AGAP1: variants seen among roughly 807,000 people sequenced by gnomAD.
AGAP1 encodes the protein ArfGAP with GTPase domain, ankyrin repeat and PH domain 1, also known as arf-GAP with GTPase, ANK repeat and PH domain-containing protein 1.
In AGAP1, 29 loss-of-function variants were observed where a neutral mutation model predicts 105.3. That is an observed-to-expected ratio of 0.28 (90% CI 0.21 to 0.38). The LOEUF (loss-of-function observed/expected upper bound fraction) is 0.38, where lower values mean the gene tolerates loss of function less well. Ranked by LOEUF, AGAP1 falls within the 10% of genes least tolerant of loss-of-function variation. AGAP1 has a pLI of 1.00. For synonymous variants in AGAP1, 509 were observed against 485.9 expected, an observed-to-expected ratio of 1.05 and a Z score of -0.63; for missense variants, 998 against 1,165.1, an observed-to-expected ratio of 0.86 and a Z score of 2.09.
chr2:235,803,024 G>C (rs1228296947), intron 8 of AGAP1, among the ~76,000 whole-genome samples: 1 of 150,986 alleles, frequency 6.6e-6, no homozygotes, highest in African/African-American at 2.4e-5. Flanking sequence ...TGATGGTGGT[G>C]ATGGTTGTGA....
chr2:235,647,540 A>T (rs1330383493), intron 1 of AGAP1, among the ~76,000 whole-genome samples: 1 of 151,982 alleles, frequency 6.6e-6, no homozygotes, highest in Non-Finnish European at 1.5e-5. Flanking sequence ...GGCGCACACC[A>T]CCACAGCCAG....
rs929778133 is a variant in AGAP1 at position 235,610,075 on chromosome 2, G to A, written c.164-99104G>A. Among the ~76,000 whole-genome samples the A allele has an allele frequency of 6.6e-6, 1 of 152,100 alleles. No individual in the cohort carries two copies. The highest frequency in any genetic ancestry group is 6.5e-5 in the Admixed American group (1 of 15,278). On this transcript the variant is annotated intron_variant, in intron 1 of 17. Coordinates refer to ENST00000304032, the MANE Select transcript of AGAP1 (RefSeq NM_001037131.3). This position sits in a 1 kb window ranked among gnomAD's most constrained non-coding sequence, Gnocchi z 4.9. ...CTGCATTTGCCCCAACTCTGTGCAG[G>A]GCCAGCACTTTTAGCTCCTAGTCAC...
At chr2:235,820,291 T>G (rs1419176352) in intron 9 of AGAP1, among the ~76,000 whole-genome samples, 2 of 152,236 alleles carry the variant, frequency 1.3e-5, no homozygotes, top group African/African-American at 4.8e-5. Flanking sequence ...TTCAGGAACA[T>G]TATAATTTTT....
At chr2:235,923,549 A>G (rs35858393) in intron 11 of AGAP1, among the ~76,000 whole-genome samples, 5 of 103,730 alleles carry the variant, frequency 4.8e-5, no homozygotes, top group Admixed American at 2.7e-4. Flanking sequence ...GGTGACCACC[A>G]TCTGATTTCT....
intron 1 of AGAP1, among the ~76,000 whole-genome samples, chr2:235,646,880 A>C (rs1483638574): frequency 6.6e-6 from 1 of 152,186 alleles, no homozygotes; most frequent in Non-Finnish European, 1.5e-5. Flanking sequence ...TCACGCCTGT[A>C]ATCTCAGTAC....
At chr2:235,798,547 G>A (rs1300010443) in intron 7 of AGAP1, among the ~76,000 whole-genome samples, 2 of 151,964 alleles carry the variant, frequency 1.3e-5, no homozygotes, top group African/African-American at 4.8e-5. Context: ...AGTAAGTTAT[G>A]GCATGTATTG....
intron 9 of AGAP1, among the ~76,000 whole-genome samples, chr2:235,841,936 A>G (rs1229269702): frequency 6.6e-6 from 1 of 152,110 alleles, no homozygotes; most frequent in Non-Finnish European, 1.5e-5. Context: ...TCTTCCCTAC[A>G]CGCTCATTAG....
In AGAP1 at chr2:235,799,612, T is replaced by G; in HGVS notation, c.957+90T>G. The stretch of plus-strand genomic sequence containing the variant: ...GGTTGCCACATGGTTCAGTGGTATT[T>G]GTAGAATCTCAACTATATTAAAGTG... On this transcript the variant is annotated intron_variant, in intron 8 of 17. Coordinates refer to ENST00000304032, the MANE Select transcript of AGAP1 (RefSeq NM_001037131.3). The surrounding 1 kb of genome is among the most constrained non-coding windows in gnomAD (Gnocchi z 5.0). 1.4e-6 allele frequency: 2 copies of G among 1,404,138 alleles called. No individual in the cohort carries two copies. Among genetic ancestry groups the G allele is most frequent in the Non-Finnish European group, 2.0e-6 (2 of 1,022,030 alleles). The allele number at this position is 1,404,138 out of a possible 1,614,324, so 87.0% of individuals were successfully genotyped here.
rs1368970355 is a variant in AGAP1 at position 235,494,512 on chromosome 2, CGG to C, written c.-173_-172del. On this transcript the variant is annotated 5_prime_UTR_variant, in exon 1 of 18. Transcript: ENST00000304032. ...GCGTCCCGGCCATGAACTGAGCCCG[CGG>C]GCCAGCCCCGCGCCTGCTCCGCCCG... is the stretch of plus-strand genomic sequence containing the variant. 7.0e-6 allele frequency: 1 copy of C among 143,316 alleles called. No homozygotes were observed. The highest frequency in any genetic ancestry group is 1.5e-5 in the Non-Finnish European group (1 of 65,612). 8.9% of individuals were successfully genotyped at this position (143,316 alleles called of 1,614,324 possible).
intron 13 of AGAP1, among the ~76,000 whole-genome samples, chr2:236,004,903 T>G (rs1174114726): frequency 2.0e-5 from 3 of 152,238 alleles, no homozygotes; most frequent in Admixed American, 6.5e-5. Flanking sequence ...CAAATACTTC[T>G]AGCCTTTAAC....
At chr2:235,581,552 A>G (rs1288894382) in intron 1 of AGAP1, among the ~76,000 whole-genome samples, 1 of 151,610 alleles carries the variant, frequency 6.6e-6, no homozygotes, top group African/African-American at 2.4e-5. Flanking sequence ...CATGCCTGTA[A>G]TCCCACACTT....
chr2:235,927,934 C>T lies in AGAP1; in HGVS notation c.1325-2831C>T, dbSNP rs1460032370. ...GCTGGTATAAAATGAGGTCTGTGGA[C>T]AGATGGCATGCTTAATAATGACTTG... On this transcript the variant is annotated intron_variant, in intron 11 of 17. Transcript: ENST00000304032. This position sits in a 1 kb window ranked among gnomAD's most constrained non-coding sequence, Gnocchi z 4.4. Among the ~76,000 whole-genome samples the T allele has an allele frequency of 6.6e-6, 1 of 152,160 alleles. No homozygotes were observed.
intron 9 of AGAP1, among the ~76,000 whole-genome samples, chr2:235,846,841 T>C (rs1961554324): frequency 6.6e-6 from 1 of 152,168 alleles, no homozygotes; most frequent in Non-Finnish European, 1.5e-5. Flanking sequence ...TGTCCCAGGC[T>C]GGTCTGGAAC....
At position 235,655,978 on chromosome 2, in the gene AGAP1, G is replaced by A. The variant is rs567645547; in HGVS notation, c.164-53201G>A. Among the ~76,000 whole-genome samples the A allele has an allele frequency of 1.3e-5, 2 of 152,290 alleles. No homozygotes were observed. Among genetic ancestry groups the A allele is most frequent in the African/African-American group, 4.8e-5 (2 of 41,554 alleles). The stretch of plus-strand genomic sequence containing the variant: ...GATACTTCCAATAAGTAACTAGCAG[G>A]GCTGTACACACTCTACCAGGAAAGA... On this transcript the variant is annotated intron_variant, in intron 1 of 17. Coordinates refer to ENST00000304032, the MANE Select transcript of AGAP1 (RefSeq NM_001037131.3). The surrounding 1 kb of genome is among the most constrained non-coding windows in gnomAD (Gnocchi z 4.3).
In AGAP1 at chr2:235,610,896, T is replaced by C. The variant is rs1311722114; in HGVS notation, c.164-98283T>C. On this transcript the variant is annotated intron_variant, in intron 1 of 17. Coordinates refer to ENST00000304032, the MANE Select transcript of AGAP1 (RefSeq NM_001037131.3). The surrounding 1 kb of genome is among the most constrained non-coding windows in gnomAD (Gnocchi z 4.9). Reference sequence around the variant, plus strand: ...TCTTGTCCTGTAGCCCAGTTTCGTTTCACCTGTCCTCTGCCTGTAATCCTT... The same window carrying C: ...TCTTGTCCTGTAGCCCAGTTTCGTTCCACCTGTCCTCTGCCTGTAATCCTT... Among the ~76,000 whole-genome samples the C allele has an allele frequency of 6.6e-6, 1 of 152,088 alleles. No individual in the cohort carries two copies. The highest frequency in any genetic ancestry group is 1.5e-5 in the Non-Finnish European group (1 of 68,022).
At position 235,867,529 on chromosome 2, in the gene AGAP1, G is replaced by A. The variant is rs926466380; in HGVS notation, c.1051-15816G>A. Among the ~76,000 whole-genome samples the A allele has an allele frequency of 2.8e-5, 4 of 141,000 alleles. No individual in the cohort carries two copies. Among genetic ancestry groups the A allele is most frequent in the East Asian group, 4.3e-4 (2 of 4,704 alleles). The allele number at this position is 141,000 out of a possible 152,430, so 92.5% of individuals were successfully genotyped here. On this transcript the variant is annotated intron_variant, in intron 9 of 17. Coordinates refer to ENST00000304032, the MANE Select transcript of AGAP1 (RefSeq NM_001037131.3). The surrounding 1 kb of genome is among the most constrained non-coding windows in gnomAD (Gnocchi z 5.4). ...CCTCGGGATCATACACCTTATGCTG[G>A]TGCTGCAGTGTGTGTGTGTGTGTGT...
chr2:235,721,478 T>C lies in AGAP1; in HGVS notation c.310+3834T>C, dbSNP rs1951379522. ...TGGATTGACAGATTCCTTAATATTA[T>C]GTGTGTGTGTGTGTGTGTGTGTGTG... On this transcript the variant is annotated intron_variant, in intron 3 of 17. Coordinates refer to ENST00000304032, the MANE Select transcript of AGAP1 (RefSeq NM_001037131.3). This position sits in a 1 kb window ranked among gnomAD's most constrained non-coding sequence, Gnocchi z 4.5. Among the ~76,000 whole-genome samples the C allele has an allele frequency of 7.1e-5, 1 of 14,130 alleles. No homozygotes were observed. The highest frequency in any genetic ancestry group is 9.5e-4 in the Admixed American group (1 of 1,058). 9.3% of individuals were successfully genotyped at this position (14,130 alleles called of 152,430 possible). A position where few individuals can be genotyped will look rare whatever the true frequency, so the allele number is the denominator to read the frequency against.
At chr2:235,849,260 G>C (rs1361711274) in intron 9 of AGAP1, among the ~76,000 whole-genome samples, 1 of 152,226 alleles carries the variant, frequency 6.6e-6, no homozygotes, top group Non-Finnish European at 1.5e-5. Flanking sequence ...TCCAACTCGT[G>C]AAGGATTTAG....
Position 235,610,717 on chromosome 2 carries a change from C to T in AGAP1, c.164-98462C>T, listed in dbSNP as rs1338719738. 3.3e-5 allele frequency among the ~76,000 whole-genome samples: 5 copies of T among 152,164 alleles called. No individual in the cohort carries two copies. The highest frequency in any genetic ancestry group is 5.9e-5 in the Non-Finnish European group (4 of 68,036). On this transcript the variant is annotated intron_variant, in intron 1 of 17. Transcript: ENST00000304032. The surrounding 1 kb of genome is among the most constrained non-coding windows in gnomAD (Gnocchi z 4.9). Reference sequence around the variant, plus strand: ...ATTGCAGACCCGCCATCCTCAAACGCACTGTGCTCCCGTGAGCTCCCTGCC... The same window carrying T: ...ATTGCAGACCCGCCATCCTCAAACGTACTGTGCTCCCGTGAGCTCCCTGCC...
Sources: allele counts gnomAD v4.1 joint callset (sites outside exome capture counted in the v4.1 genomes callset), GRCh38; gene constraint gnomAD v4.1.1; non-coding constraint Gnocchi (gnomAD v3.1); transcripts MANE v1.5; gene names NCBI Gene and HGNC (gene_info 2026-07-23, HGNC 2026-07-21).